The following DENND1A variants were observed in gnomAD, a reference collection of about 807,000 sequenced individuals.
The protein encoded by DENND1A is DENN domain containing 1A.
DENND1A carries 51 observed loss-of-function variants against 113.7 expected under a neutral mutation model. That is an observed-to-expected ratio of 0.45 (90% confidence interval 0.36 to 0.57). DENND1A has a LOEUF of 0.57. DENND1A is among the 20% of genes least tolerant of loss of function. DENND1A has a pLI of 0.00. For synonymous variants in DENND1A, 565 were observed against 570.8 expected (o/e 0.99, Z 0.14); for missense variants, 1,258 against 1,395.9 (o/e 0.90, Z 1.57).
rs565389788 is a variant in DENND1A, at chr9:123,723,362, A to C, written c.302+34341T>G. On this transcript the variant is annotated intron_variant, in intron 5 of 23. Transcript: ENST00000394215. ...ACTTTGGACTGTGGACTTTCGAGTT[A>C]ATGATGAAATCAGTTAAGACTTTGG... Among the ~76,000 whole-genome samples, 3 of 152,332 alleles carry C rather than the reference A, an allele frequency of 2.0e-5. No homozygotes were observed. The East Asian group carries it at 5.8e-4, about 29-fold the overall frequency.
chr9:123,851,201 C>T (rs1843296873), intron 2 of DENND1A, among the ~76,000 whole-genome samples: 1 of 152,188 alleles, frequency 6.6e-6, no homozygotes, highest in African/African-American at 2.4e-5. Flanking sequence ...ACCACCCATC[C>T]CTAGGGAACC....
intron 2 of DENND1A, among the ~76,000 whole-genome samples, chr9:123,861,750 A>G (rs904799379): frequency 1.3e-5 from 2 of 152,156 alleles, no homozygotes; most frequent in Admixed American, 1.3e-4. Context: ...TTTAAAAAAT[A>G]TATATATAAA....
intron 5 of DENND1A, among the ~76,000 whole-genome samples, chr9:123,719,428 C>T (rs560188748): frequency 1.3e-4 from 20 of 152,270 alleles, no homozygotes; most frequent in African/African-American, 4.6e-4. Context: ...CTGAACTGTC[C>T]GCCTGGGAGT....
intron 2 of DENND1A, among the ~76,000 whole-genome samples, chr9:123,812,807 T>G (rs1836843649): frequency 6.6e-6 from 1 of 152,184 alleles, no homozygotes; most frequent in Non-Finnish European, 1.5e-5. Flanking sequence ...GAGTACCTTA[T>G]GTATTCTGGA....
In DENND1A at chr9:123,439,445, T is replaced by C. The variant is rs539485949; in HGVS notation, c.1488+915A>G. ...TCTGAATAGCTCAATGCCTGGTGCA[T>C]AGTAGGCACCTGATAAAGGTCTGTT... On this transcript the variant is annotated intron_variant, in intron 19 of 23. Coordinates refer to ENST00000394215, the MANE Select transcript of DENND1A (RefSeq NM_001352964.2). Among the ~76,000 whole-genome samples the C allele has an allele frequency of 4.6e-5, 7 of 152,342 alleles. No homozygotes were observed. In the South Asian group the frequency reaches 1.5e-3, roughly 32 times the overall value.
intron 8 of DENND1A, among the ~76,000 whole-genome samples, chr9:123,654,225 C>A (rs1216984428): frequency 6.6e-6 from 1 of 152,138 alleles, no homozygotes; most frequent in African/African-American, 2.4e-5. Flanking sequence ...CTTCACTGAG[C>A]ATTTCAGTAA....
rs1564512324 is a variant in DENND1A, at chr9:123,450,742, T to A, written c.1307A>T (p.Asp436Val). The change falls in exon 18 of 24, where the codon GAT becomes GTT. Residue 436 changes from aspartate to valine, a missense_variant. By Grantham distance (152) the Asp-to-Val change is radical. Coordinates refer to ENST00000394215, the MANE Select transcript of DENND1A (RefSeq NM_001352964.2). ...AMKTVYKFAK[D>V]HAKMGIKEVK... is the part of the protein sequence containing the mutation. ...CTCTTTTATTCCCATTTTTGCATGA[T>A]CTTTTGCCTGCATGAAAAATTAATT... The A allele has an allele frequency of 6.2e-7, 1 of 1,610,856 alleles. No homozygotes were observed. Among genetic ancestry groups the A allele is most frequent in the South Asian group, 1.1e-5 (1 of 89,984 alleles).
At chr9:123,383,397 GC>G (rs917856525) in intron 23 of DENND1A, among the ~76,000 whole-genome samples, 3 of 152,060 alleles carry the variant, frequency 2.0e-5, no homozygotes, top group South Asian at 2.1e-4. Flanking sequence ...GGCAGCACCC[GC>G]CCCCCCGTCT....
intron 20 of DENND1A, among the ~76,000 whole-genome samples, chr9:123,410,671 A>G (rs957004380): frequency 6.6e-6 from 1 of 152,168 alleles, no homozygotes; most frequent in Non-Finnish European, 1.5e-5. Flanking sequence ...GCATCTCCCC[A>G]GGTGAACAGA....
At chr9:123,650,995 C>CAATGTCACTA (rs1397814357) in intron 9 of DENND1A, among the ~76,000 whole-genome samples, 1 of 146,422 alleles carries the variant, frequency 6.8e-6, no homozygotes, top group African/African-American at 2.5e-5. Context: ...GCAACTGATA[C>CAATGTCACTA]AATGTCACTA....
chr9:123,381,614 G>A lies in DENND1A; in HGVS notation c.3031C>T (p.Leu1011=). 1.2e-6 allele frequency: 2 copies of A among 1,612,812 alleles called. No homozygotes were observed. Among genetic ancestry groups the A allele is most frequent in the Non-Finnish European group, 1.7e-6 (2 of 1,179,724 alleles). Residue 1011 remains leucine (L), a synonymous_variant, in exon 24 of 24, where the codon CTG becomes TTG. Transcript: ENST00000394215. This position sits in a 1 kb window ranked among gnomAD's most constrained non-coding sequence, Gnocchi z 4.7. ...AGGCCTTGAGGGGGCCTGGGAGGCA[G>A]AAGCGGGGGGTCTCCAGGCCTCAGG... The part of the protein sequence containing the change: ...LALRPGDPPL[L]PPRPPQGLEP...
chr9:123,690,534 T>G (rs1047230105), intron 5 of DENND1A, among the ~76,000 whole-genome samples: 1 of 152,254 alleles, frequency 6.6e-6, no homozygotes, highest in Non-Finnish European at 1.5e-5. Context: ...ACATTTACAA[T>G]ATATTTAGAT....
intron 13 of DENND1A, among the ~76,000 whole-genome samples, chr9:123,546,916 G>A (rs1249201391): frequency 1.3e-5 from 2 of 152,136 alleles, no homozygotes; most frequent in African/African-American, 2.4e-5. Flanking sequence ...ATTCAGTTAT[G>A]CTCTTTGAAA....
At chr9:123,416,139 C>A (rs1183146330) in intron 19 of DENND1A, among the ~76,000 whole-genome samples, 1 of 152,078 alleles carries the variant, frequency 6.6e-6, no homozygotes, top group Non-Finnish European at 1.5e-5. Flanking sequence ...CTGGCCAGGA[C>A]TCAGTGAAAG....
intron 2 of DENND1A, among the ~76,000 whole-genome samples, chr9:123,797,222 A>G (rs1300681105): frequency 1.3e-5 from 2 of 152,172 alleles, no homozygotes; most frequent in African/African-American, 4.8e-5. Context: ...TCATTGTTCA[A>G]TTTCATGGAG....
chr9:123,417,611 T>C (rs775120090), intron 19 of DENND1A, among the ~76,000 whole-genome samples: 7 of 152,216 alleles, frequency 4.6e-5, no homozygotes, highest in South Asian at 4.1e-4. Flanking sequence ...TCTGACACGG[T>C]TCTTCTAATC....
intron 2 of DENND1A, among the ~76,000 whole-genome samples, chr9:123,851,336 T>A (rs1019988272): frequency 6.6e-6 from 1 of 152,264 alleles, no homozygotes; most frequent in Non-Finnish European, 1.5e-5. Flanking sequence ...TTGAGATCCA[T>A]CCATGTTGTT....
At chr9:123,679,305 C>A (rs2064290396) in intron 5 of DENND1A, among the ~76,000 whole-genome samples, 2 of 152,148 alleles carry the variant, frequency 1.3e-5, no homozygotes, top group African/African-American at 2.4e-5. Flanking sequence ...GAAGCTCCAG[C>A]CTCCAAGTTG....
intron 5 of DENND1A, among the ~76,000 whole-genome samples, chr9:123,703,594 A>C (rs1173728520): frequency 6.6e-6 from 1 of 152,204 alleles, no homozygotes; most frequent in South Asian, 2.1e-4. Flanking sequence ...AAGGACCTAG[A>C]AAACAATGAA....
Sources: allele counts gnomAD v4.1 joint callset (sites outside exome capture counted in the v4.1 genomes callset), GRCh38; gene constraint gnomAD v4.1.1; non-coding constraint Gnocchi (gnomAD v3.1); transcripts MANE v1.5; gene names NCBI Gene and HGNC (gene_info 2026-07-23, HGNC 2026-07-21).